Variants in UIMC1 observed in about 807,000 individuals in gnomAD.
UIMC1 encodes the protein ubiquitin interaction motif containing 1.
In UIMC1, 42 loss-of-function variants were observed where a neutral mutation model predicts 84.9. The ratio of observed to expected loss-of-function variants is 0.49; its 90% CI spans 0.39 to 0.64. The LOEUF (loss-of-function observed/expected upper bound fraction) is 0.64, where lower values mean the gene tolerates loss of function less well. Ranked by LOEUF, UIMC1 falls within the 30% of genes least tolerant of loss-of-function variation. The pLI is 0.00. For synonymous variants in UIMC1, 281 were observed against 293.0 expected, an observed-to-expected ratio of 0.96 and a Z score of 0.42; for missense variants, 825 against 847.6, an observed-to-expected ratio of 0.97 and a Z score of 0.33.
At chr5:177,000,002 A>T (rs1459745700) in intron 1 of UIMC1, among the ~76,000 whole-genome samples, 1 of 152,166 alleles carries the variant, frequency 6.6e-6, no homozygotes, top group African/African-American at 2.4e-5. Flanking sequence ...TCTGTCACCC[A>T]GGCGGGAGTG....
chr5:176,922,162 A>C (rs1202053159), intron 10 of UIMC1, among the ~76,000 whole-genome samples: 1 of 152,050 alleles, frequency 6.6e-6, no homozygotes, highest in African/African-American at 2.4e-5. Flanking sequence ...TGTTTTTCTT[A>C]AATTGTATTT....
In UIMC1 at chr5:176,968,884, G is replaced by C; in HGVS notation, c.871C>G (p.Gln291Glu). The change falls in exon 6 of 15, where the codon CAG becomes GAG. Residue 291 changes from glutamine to glutamate, a missense_variant. Coordinates refer to ENST00000511320, the MANE Select transcript of UIMC1 (RefSeq NM_001199298.2). ...TGGCAGAGAATGACCTTGGTATACTGGTTAGGGTCTACTCCATCAGGGCAG... is the reference window on the plus strand; with the variant it reads ...TGGCAGAGAATGACCTTGGTATACTCGTTAGGGTCTACTCCATCAGGGCAG... ...PFCPDGVDPN[Q>E]YTKVILCQLE... 1 of 1,614,048 alleles carries C rather than the reference G, an allele frequency of 6.2e-7. No individual in the cohort carries two copies. Among genetic ancestry groups the C allele is most frequent in the Non-Finnish European group, 8.5e-7 (1 of 1,179,968 alleles).
At chr5:176,920,233 G>A (rs554445042) in intron 10 of UIMC1, among the ~76,000 whole-genome samples, 1 of 151,768 alleles carries the variant, frequency 6.6e-6, no homozygotes, top group African/African-American at 2.4e-5. Flanking sequence ...TCTCCACATT[G>A]GTAAGGCTAG....
chr5:177,019,760 C>A (rs540705515), intron 1 of UIMC1, among the ~76,000 whole-genome samples: 1 of 151,980 alleles, frequency 6.6e-6, no homozygotes, highest in South Asian at 2.1e-4. Flanking sequence ...GATGAAACCC[C>A]GTCTCTACTA....
chr5:176,972,346 G>A (rs903194162), intron 3 of UIMC1, among the ~76,000 whole-genome samples: 3 of 151,532 alleles, frequency 2.0e-5, no homozygotes, highest in South Asian at 4.2e-4. Flanking sequence ...AGCTTGCAGT[G>A]AGCAGAGATG....
intron 9 of UIMC1, among the ~76,000 whole-genome samples, chr5:176,947,527 A>G (rs1175902857): frequency 6.6e-6 from 1 of 152,088 alleles, no homozygotes; most frequent in African/African-American, 2.4e-5. Flanking sequence ...ATATTATACA[A>G]CTATTTTTCG....
intron 3 of UIMC1, among the ~76,000 whole-genome samples, chr5:176,974,771 C>T (rs764475379): frequency 7.9e-5 from 12 of 151,914 alleles, no homozygotes; most frequent in Non-Finnish European, 1.2e-4. Flanking sequence ...CAAGATCACG[C>T]CAGCACACTC....
At chr5:176,999,799 T>A (rs776645588) in intron 1 of UIMC1, among the ~76,000 whole-genome samples, 44 of 152,184 alleles carry the variant, frequency 2.9e-4, no homozygotes, top group Non-Finnish European at 4.7e-4. Context: ...TATCCATTCA[T>A]CTGTTGATGG....
At chr5:176,970,927 C>CA in intron 3 of UIMC1, 61 bp from the exon 4 acceptor site, 1 of 1,571,844 alleles carries the variant, frequency 6.4e-7, no homozygotes. Context: ...ATCATGGAGG[C>CA]AAGAAAGAGA....
intron 1 of UIMC1, among the ~76,000 whole-genome samples, chr5:177,022,173 A>G (rs537235552): frequency 3.3e-5 from 5 of 152,126 alleles, no homozygotes; most frequent in Non-Finnish European, 7.3e-5. Context: ...TGACAGCTAC[A>G]TTGGAGAAGC....
chr5:176,921,619 T>C (rs1447705260), intron 10 of UIMC1, among the ~76,000 whole-genome samples: 1 of 152,198 alleles, frequency 6.6e-6, no homozygotes, highest in Non-Finnish European at 1.5e-5. Context: ...TCTCTCACAC[T>C]CCAATAAATC....
At position 176,969,281 on chromosome 5, in the gene UIMC1, C is replaced by T; in HGVS notation, c.474G>A (p.Gln158=). 6.2e-7 allele frequency: 1 copy of T among 1,612,236 alleles called. No homozygotes were observed. The highest frequency in any genetic ancestry group is 1.3e-5 in the African/African-American group (1 of 74,874). ...CTTTAAACAGTGATGGAGGTACCAG[C>T]TGCCATATGCCTGTAGGTATTTGAG... The part of the protein sequence containing the change: ...TDSGLTEGIW[Q]LVPPSLFKGS... Residue 158 remains glutamine, a synonymous_variant, in exon 6 of 15, where the codon CAG becomes CAA. Transcript: ENST00000511320.
At chr5:176,990,311 G>A (rs1444493417) in intron 1 of UIMC1, among the ~76,000 whole-genome samples, 3 of 152,048 alleles carry the variant, frequency 2.0e-5, no homozygotes, top group Non-Finnish European at 1.5e-5. Context: ...TTACCCTTCT[G>A]CCATGTGAAG....
chr5:176,953,530 A>ACACACACACACC (rs1486168664), intron 8 of UIMC1, among the ~76,000 whole-genome samples: 3 of 151,088 alleles, frequency 2.0e-5, no homozygotes, highest in African/African-American at 7.3e-5. Flanking sequence ...ACACACACAC[A>ACACACACACACC]CCTTATTGGA....
At chr5:176,919,957 G>A (rs1254407814) in intron 10 of UIMC1, among the ~76,000 whole-genome samples, 1 of 152,040 alleles carries the variant, frequency 6.6e-6, no homozygotes, top group African/African-American at 2.4e-5. Flanking sequence ...CTTGTATTTT[G>A]GTATGAATTT....
chr5:176,911,781 T>C (rs1760247506), intron 10 of UIMC1, among the ~76,000 whole-genome samples: 1 of 152,180 alleles, frequency 6.6e-6, no homozygotes, highest in Non-Finnish European at 1.5e-5. Context: ...ATAGTAATGA[T>C]AGCCATCCGA....
intron 10 of UIMC1, among the ~76,000 whole-genome samples, chr5:176,927,260 T>G (rs1267340644): frequency 6.6e-6 from 1 of 151,514 alleles, no homozygotes; most frequent in Non-Finnish European, 1.5e-5. Flanking sequence ...ATGAATTTCT[T>G]TATTTTTTTT....
chr5:176,995,952 T>G (rs1284956813), intron 1 of UIMC1, among the ~76,000 whole-genome samples: 1 of 152,092 alleles, frequency 6.6e-6, no homozygotes, highest in African/African-American at 2.4e-5. Flanking sequence ...CCCAGCCATT[T>G]CATTCCTAGG....
chr5:177,016,614 C>T (rs1775675582), intron 1 of UIMC1, among the ~76,000 whole-genome samples: 1 of 152,028 alleles, frequency 6.6e-6, no homozygotes, highest in Admixed American at 6.6e-5. Context: ...TCGCTTGAAC[C>T]TGGGAGGCAG....
Sources: gnomAD v4.1 joint callset for allele counts (sites outside exome capture counted in the v4.1 genomes callset) on GRCh38, gnomAD v4.1.1 for gene constraint, MANE v1.5 for transcripts, NCBI Gene and HGNC (gene_info 2026-07-23, HGNC 2026-07-21) for gene names.